MFSD6: variants seen among roughly 807,000 people sequenced by gnomAD.
MFSD6 encodes major facilitator superfamily domain containing 6, also known as major facilitator superfamily domain-containing protein 6.
MFSD6 carries 26 observed loss-of-function variants against 56.3 expected under a neutral mutation model. The observed-to-expected ratio is 0.46, with a 90% confidence interval of 0.34 to 0.64. MFSD6 has a LOEUF of 0.64. Among genes scored for constraint, MFSD6 ranks in the 30% least tolerant of loss-of-function variants. MFSD6 has a pLI of 0.01. For missense variants in MFSD6, 750 were observed against 986.2 expected (o/e 0.76, Z 3.21); for synonymous variants, 331 against 366.9 (o/e 0.90, Z 1.12).
intron 2 of MFSD6, among the ~76,000 whole-genome samples, chr2:190,430,247 T>TC (rs1226116681): frequency 6.7e-6 from 1 of 149,834 alleles, no homozygotes; most frequent in Non-Finnish European, 1.5e-5. Context: ...TGGGTGTTTC[T>TC]CGCAGAGGGG....
At chr2:190,483,468 T>C (rs568555314) in intron 4 of MFSD6, among the ~76,000 whole-genome samples, 34 of 152,296 alleles carry the variant, frequency 2.2e-4, no homozygotes, top group African/African-American at 7.7e-4. Flanking sequence ...ACTGTACCTA[T>C]TGGAGGAATA....
At position 190,415,323 on chromosome 2, in the gene MFSD6, T is replaced by C. The variant is rs1308067683; in HGVS notation, c.-144T>C. The C allele has an allele frequency of 6.6e-6, 1 of 152,192 alleles. No homozygotes were observed. The highest frequency in any genetic ancestry group is 2.4e-5 in the African/African-American group (1 of 41,434). 9.4% of individuals were successfully genotyped at this position (152,192 alleles called of 1,614,324 possible). On this transcript the variant is annotated 5_prime_UTR_variant, in exon 2 of 8. Transcript: ENST00000392328. This position sits in a 1 kb window ranked among gnomAD's most constrained non-coding sequence, Gnocchi z 4.5. ...TCTCTCTCAGTTACCCAGGCCGGAG[T>C]GCAGTGGCGTGATCCTAGCTCACTG...
chr2:190,454,577 G>T lies in MFSD6; in HGVS notation c.1533-15181G>T, dbSNP rs929110304. ...TGCCGCCCTCCCTCTACCATATGAG[G>T]ACACTGTAAGAAGGTGGTCATCTAC... On this transcript the variant is annotated intron_variant, in intron 3 of 7. Coordinates refer to ENST00000392328, the MANE Select transcript of MFSD6 (RefSeq NM_017694.4). This position sits in a 1 kb window ranked among gnomAD's most constrained non-coding sequence, Gnocchi z 4.6. 6.6e-6 allele frequency: 1 copy of T among 152,018 alleles called. No homozygotes were observed. The highest frequency in any genetic ancestry group is 1.5e-5 in the Non-Finnish European group (1 of 68,050). 9.4% of individuals were successfully genotyped at this position (152,018 alleles called of 1,614,324 possible). A position where few individuals can be genotyped will look rare whatever the true frequency, so the allele number is the denominator to read the frequency against.
rs1480663697 is a variant in MFSD6, at chr2:190,451,263, C to T, written c.1532+13702C>T. 6.6e-6 allele frequency among the ~76,000 whole-genome samples: 1 copy of T among 152,208 alleles called. No homozygotes were observed. The highest frequency in any genetic ancestry group is 1.5e-5 in the Non-Finnish European group (1 of 68,038). On this transcript the variant is annotated intron_variant, in intron 3 of 7. Coordinates refer to ENST00000392328, the MANE Select transcript of MFSD6 (RefSeq NM_017694.4). The surrounding 1 kb of genome is among the most constrained non-coding windows in gnomAD (Gnocchi z 5.0). ...TAGCTTTGTTAAGCCTCAGGTTCCT[C>T]ATTGGTAAAACGGGGCAATAATTAT...
Position 190,485,827 on chromosome 2 carries a change from AATG to A in MFSD6, c.1631-2825_1631-2823del, listed in dbSNP as rs1297719905. ...TTAAAAAAAAAAAAAACCTAGTTAA[AATG>A]ATGACTGAAACATATATAAAACCTA... is the stretch of plus-strand genomic sequence containing the variant. On this transcript the variant is annotated intron_variant, in intron 4 of 7. Transcript: ENST00000392328. The surrounding 1 kb of genome is among the most constrained non-coding windows in gnomAD (Gnocchi z 5.1). Among the ~76,000 whole-genome samples the A allele has an allele frequency of 1.3e-5, 2 of 152,208 alleles. No individual in the cohort carries two copies. Among genetic ancestry groups the A allele is most frequent in the African/African-American group, 4.8e-5 (2 of 41,448 alleles).
chr2:190,441,537 A>G (rs1474696359), intron 3 of MFSD6, among the ~76,000 whole-genome samples: 1 of 152,024 alleles, frequency 6.6e-6, no homozygotes, highest in Non-Finnish European at 1.5e-5. Context: ...CTCATGCAGC[A>G]TGTTTGTGTA....
chr2:190,468,688 G>C (rs991866570), intron 3 of MFSD6, among the ~76,000 whole-genome samples: 6 of 151,168 alleles, frequency 4.0e-5, no homozygotes, highest in Admixed American at 6.6e-5. Flanking sequence ...TGAACTCTTG[G>C]GCGCAAGTGA....
At position 190,467,603 on chromosome 2, in the gene MFSD6, ACT is replaced by A. The variant is rs1465859115; in HGVS notation, c.1533-2152_1533-2151del. ...TCTCTAGCCTCGGCAACAGAGCGAG[ACT>A]CTGTCTCAAAAAAAGAAAAAGAATT... On this transcript the variant is annotated intron_variant, in intron 3 of 7. Transcript: ENST00000392328. The surrounding 1 kb of genome is among the most constrained non-coding windows in gnomAD (Gnocchi z 5.5). Among the ~76,000 whole-genome samples the A allele has an allele frequency of 1.3e-5, 2 of 152,070 alleles. No individual in the cohort carries two copies. The highest frequency in any genetic ancestry group is 4.8e-5 in the African/African-American group (2 of 41,386).
chr2:190,457,801 C>T lies in MFSD6; in HGVS notation c.1533-11957C>T, dbSNP rs1458718592. Reference sequence around the variant, plus strand: ...CCACTCCTGAGAAAGTCCACCTCAACTATGCATGTGCCCTGGATGCCACCA... The same window carrying T: ...CCACTCCTGAGAAAGTCCACCTCAATTATGCATGTGCCCTGGATGCCACCA... On this transcript the variant is annotated intron_variant, in intron 3 of 7. Coordinates refer to ENST00000392328, the MANE Select transcript of MFSD6 (RefSeq NM_017694.4). This position sits in a 1 kb window ranked among gnomAD's most constrained non-coding sequence, Gnocchi z 5.1. 3.9e-5 allele frequency among the ~76,000 whole-genome samples: 6 copies of T among 152,212 alleles called. No homozygotes were observed. The highest frequency in any genetic ancestry group is 2.9e-5 in the Non-Finnish European group (2 of 68,044).
At chr2:190,408,306 C>G (rs1331307080), upstream of MFSD6, 1 of 141,012 alleles carries the variant, frequency 7.1e-6, no homozygotes, top group Non-Finnish European at 1.7e-5. Context: ...CTCCGTGGCC[C>G]CACCCGGTCC....
chr2:190,482,399 CTT>C (rs576422479), intron 4 of MFSD6, among the ~76,000 whole-genome samples: 190 of 141,630 alleles, frequency 1.3e-3, no homozygotes, highest in Non-Finnish European at 1.2e-3. Context: ...GGAAGCTTTC[CTT>C]TTTTTTTTTT....
At chr2:190,421,493 A>G (rs1298928754) in intron 2 of MFSD6, among the ~76,000 whole-genome samples, 1 of 2,140 alleles carries the variant, frequency 4.7e-4, no homozygotes, top group Non-Finnish European at 3.1e-3. Flanking sequence ...CATGTTTACA[A>G]GGTTACAAAC....
At position 190,422,904 on chromosome 2, in the gene MFSD6, ATTAAG is replaced by A. The variant is rs1026715853; in HGVS notation, c.-54+7494_-54+7498del. 1.9e-3 allele frequency among the ~76,000 whole-genome samples: 285 copies of A among 148,704 alleles called. 2 individuals are homozygous for A. Among genetic ancestry groups the A allele is most frequent in the African/African-American group, 6.7e-3 (269 of 40,266 alleles). On this transcript the variant is annotated intron_variant, in intron 2 of 7. Coordinates refer to ENST00000392328, the MANE Select transcript of MFSD6 (RefSeq NM_017694.4). ...TACTTTCATCTTTTTTTTTCTTCAT[ATTAAG>A]TTCTTTTGTTGTAGAATACTGTAGT...
Position 190,492,583 on chromosome 2 carries a change from A to G in MFSD6, c.1891+2717A>G, listed in dbSNP as rs1689420682. 6.6e-6 allele frequency among the ~76,000 whole-genome samples: 1 copy of G among 152,246 alleles called. No individual in the cohort carries two copies. Among genetic ancestry groups the G allele is most frequent in the Non-Finnish European group, 1.5e-5 (1 of 68,036 alleles). ...AACAGCAAAATCAATATGGAAATTT[A>G]AAATTGAACTGAACAATAATAGTGA... is the stretch of plus-strand genomic sequence containing the variant. On this transcript the variant is annotated intron_variant, in intron 6 of 7. Coordinates refer to ENST00000392328, the MANE Select transcript of MFSD6 (RefSeq NM_017694.4). The surrounding 1 kb of genome is among the most constrained non-coding windows in gnomAD (Gnocchi z 5.2).
At chr2:190,480,907 G>T (rs926364708) in intron 4 of MFSD6, among the ~76,000 whole-genome samples, 2 of 152,110 alleles carry the variant, frequency 1.3e-5, no homozygotes, top group African/African-American at 2.4e-5. Context: ...CAGGATCAGA[G>T]AAAATATAAT....
intron 4 of MFSD6, among the ~76,000 whole-genome samples, chr2:190,470,240 T>C (rs1687838046): frequency 6.6e-6 from 1 of 152,232 alleles, no homozygotes; most frequent in African/African-American, 2.4e-5. Flanking sequence ...GAAAAAAAGA[T>C]TGTTGTCATA....
chr2:190,455,933 G>GATTT (rs1306803955), intron 3 of MFSD6, among the ~76,000 whole-genome samples: 1 of 49,848 alleles, frequency 2.0e-5, no homozygotes. Context: ...TATTTACTCT[G>GATTT]CTTTTTTTTT....
Position 190,454,496 on chromosome 2 carries a change from A to G in MFSD6, c.1533-15262A>G, listed in dbSNP as rs1265430571. On this transcript the variant is annotated intron_variant, in intron 3 of 7. Transcript: ENST00000392328. The surrounding 1 kb of genome is among the most constrained non-coding windows in gnomAD (Gnocchi z 4.6). ...GTGCCCTTACAAGAATACATGCTAG[A>G]GAGCTTGCTTGTGTACGACTCTTTT... is the stretch of plus-strand genomic sequence containing the variant. 6.6e-6 allele frequency: 1 copy of G among 152,146 alleles called. No homozygotes were observed. Among genetic ancestry groups the G allele is most frequent in the Non-Finnish European group, 1.5e-5 (1 of 68,088 alleles). 9.4% of individuals were successfully genotyped at this position (152,146 alleles called of 1,614,324 possible).
intron 4 of MFSD6, chr2:190,477,491 C>T (rs140204005): frequency 9.9e-6 from 4 of 404,132 alleles, no homozygotes; most frequent in Admixed American, 6.4e-5. Context: ...CCATAAGTGA[C>T]CCAAGAAAAG....
Sources: allele counts gnomAD v4.1 joint callset (sites outside exome capture counted in the v4.1 genomes callset), GRCh38; gene constraint gnomAD v4.1.1; non-coding constraint Gnocchi (gnomAD v3.1); transcripts MANE v1.5; gene names NCBI Gene and HGNC (gene_info 2026-07-23, HGNC 2026-07-21).